Variants in KIAA1328 observed in about 807,000 individuals in gnomAD.
KIAA1328 encodes the protein KIAA1328.
Under a neutral mutation model 68.1 loss-of-function variants are expected in KIAA1328, and 52 were observed. The observed-to-expected ratio is 0.76, with a 90% confidence interval of 0.61 to 0.96. KIAA1328 has a LOEUF of 0.96. KIAA1328 is among the 40% of genes least tolerant of loss of function. The pLI, the probability that KIAA1328 is intolerant of heterozygous loss-of-function variation, is 0.00. For missense variants in KIAA1328, 641 were observed against 677.6 expected, an observed-to-expected ratio of 0.95 and a Z score of 0.60; for synonymous variants, 232 against 239.4, an observed-to-expected ratio of 0.97 and a Z score of 0.28.
intron 3 of KIAA1328, among the ~76,000 whole-genome samples, chr18:36,841,960 G>A (rs535433020): frequency 7.7e-4 from 115 of 149,702 alleles, no homozygotes; most frequent in Non-Finnish European, 2.1e-4. Context: ...CCAATGTTAC[G>A]TGAGATTTCT....
intron 7 of KIAA1328, among the ~76,000 whole-genome samples, chr18:37,087,657 A>T (rs776015830): frequency 1.3e-5 from 2 of 152,308 alleles, no homozygotes; most frequent in Non-Finnish European, 2.9e-5. Context: ...CACCATGATC[A>T]GGTAGGCACG....
intron 9 of KIAA1328, among the ~76,000 whole-genome samples, chr18:37,194,599 A>G (rs897615218): frequency 1.3e-5 from 2 of 152,064 alleles, no homozygotes; most frequent in Admixed American, 6.6e-5. Context: ...TTATAGATTT[A>G]TCTTTAATTA....
At chr18:36,940,249 C>T (rs922742573) in intron 5 of KIAA1328, among the ~76,000 whole-genome samples, 2 of 152,148 alleles carry the variant, frequency 1.3e-5, no homozygotes, top group African/African-American at 4.8e-5. Flanking sequence ...ATAAGGTACA[C>T]GTTAATCACC....
chr18:37,141,549 C>A (rs1348117438), intron 7 of KIAA1328, among the ~76,000 whole-genome samples: 2 of 152,190 alleles, frequency 1.3e-5, no homozygotes, highest in Non-Finnish European at 2.9e-5. Flanking sequence ...GACAACTGAG[C>A]TGCTGTGAAC....
chr18:37,183,460 C>T (rs2059735626), intron 9 of KIAA1328, among the ~76,000 whole-genome samples: 1 of 152,190 alleles, frequency 6.6e-6, no homozygotes, highest in Admixed American at 6.5e-5. Flanking sequence ...TCTAAAGACA[C>T]ATATTTGGAA....
intron 7 of KIAA1328, among the ~76,000 whole-genome samples, chr18:37,147,684 C>T (rs1355955733): frequency 1.3e-5 from 2 of 152,112 alleles, no homozygotes; most frequent in African/African-American, 4.8e-5. Context: ...TTATGATAAG[C>T]CTTCTTCTCG....
At chr18:36,964,240 A>G (rs1361814835) in intron 6 of KIAA1328, among the ~76,000 whole-genome samples, 1 of 152,214 alleles carries the variant, frequency 6.6e-6, no homozygotes, top group Non-Finnish European at 1.5e-5. Flanking sequence ...TAAACTCTAG[A>G]GCACAAATAT....
intron 5 of KIAA1328, among the ~76,000 whole-genome samples, chr18:36,901,291 T>A (rs1353882553): frequency 6.6e-6 from 1 of 152,072 alleles, no homozygotes; most frequent in Non-Finnish European, 1.5e-5. Flanking sequence ...TTAAAAAATG[T>A]GTATTGTAAA....
At chr18:36,980,757 C>CT (rs1348116293) in intron 6 of KIAA1328, among the ~76,000 whole-genome samples, 5 of 152,242 alleles carry the variant, frequency 3.3e-5, no homozygotes, top group African/African-American at 9.6e-5. Flanking sequence ...GGGGGCTGGT[C>CT]TTTCCCATGC....
chr18:37,222,987 C>T lies in KIAA1328; in HGVS notation c.*760C>T, dbSNP rs1048801516. The T allele has an allele frequency of 2.0e-6, 2 of 985,122 alleles. No individual in the cohort carries two copies. The highest frequency in any genetic ancestry group is 1.8e-5 in the African/African-American group (1 of 57,132). 61.0% of individuals were successfully genotyped at this position (985,122 alleles called of 1,614,324 possible). Reference sequence around the variant, plus strand: ...GTTTGGGTGACCACCCCTCCAATATCCCAGAATGAATAAGAACAATCCCTA... The same window carrying T: ...GTTTGGGTGACCACCCCTCCAATATTCCAGAATGAATAAGAACAATCCCTA... On this transcript the variant is annotated 3_prime_UTR_variant, in exon 10 of 10. Transcript: ENST00000280020.
At chr18:37,143,437 G>A (rs1432452220) in intron 7 of KIAA1328, among the ~76,000 whole-genome samples, 1 of 151,334 alleles carries the variant, frequency 6.6e-6, no homozygotes, top group East Asian at 1.9e-4. Flanking sequence ...AGATTCCTTA[G>A]GATATTGAAA....
intron 4 of KIAA1328, among the ~76,000 whole-genome samples, chr18:36,853,424 G>A (rs914909462): frequency 4.6e-5 from 7 of 151,882 alleles, no homozygotes; most frequent in Middle Eastern, 3.4e-3. Flanking sequence ...TTTTTCTAAT[G>A]TATCATTTTC....
In KIAA1328 at chr18:36,959,300, A is replaced by T. The variant is rs1462210279; in HGVS notation, c.449-8A>T. On this transcript the variant is annotated splice_polypyrimidine_tract_variant and splice_region_variant and intron_variant, in intron 5 of 9. Transcript: ENST00000280020. ...TTTCAGTTTTTTTCCCTTAATTTGC[A>T]ATCTCACCTCTTCAGCTACAGTATA... 4.5e-6 allele frequency: 7 copies of T among 1,563,524 alleles called. No homozygotes were observed. The Middle Eastern group carries it at 8.9e-4, about 198-fold the overall frequency.
At chr18:37,023,338 C>G (rs574474254) in intron 6 of KIAA1328, among the ~76,000 whole-genome samples, 3 of 152,300 alleles carry the variant, frequency 2.0e-5, no homozygotes, top group Admixed American at 6.5e-5. Flanking sequence ...CCTCAGCCCC[C>G]CAAGTAGCTG....
chr18:37,106,443 C>T (rs1358100608), intron 7 of KIAA1328, among the ~76,000 whole-genome samples: 1 of 146,018 alleles, frequency 6.8e-6, no homozygotes, highest in African/African-American at 2.5e-5. Flanking sequence ...TTTTTTGAGA[C>T]AGTCTCGCTC....
At chr18:37,172,335 A>C (rs2059516519) in intron 8 of KIAA1328, among the ~76,000 whole-genome samples, 1 of 152,228 alleles carries the variant, frequency 6.6e-6, no homozygotes, top group Admixed American at 6.5e-5. Flanking sequence ...ATTTCTGTCC[A>C]TACCATCTTT....
chr18:37,085,580 C>T (rs919873749), intron 7 of KIAA1328, among the ~76,000 whole-genome samples: 2 of 152,118 alleles, frequency 1.3e-5, no homozygotes, highest in Non-Finnish European at 2.9e-5. Flanking sequence ...ATCTTGCTGA[C>T]GTCCCTCTTC....
intron 6 of KIAA1328, among the ~76,000 whole-genome samples, chr18:37,010,282 A>G (rs1225887842): frequency 1.3e-5 from 2 of 151,718 alleles, no homozygotes; most frequent in Non-Finnish European, 1.5e-5. Context: ...ATCTCTACTA[A>G]AAATGCAAAG....
At chr18:37,080,275 G>C (rs2056905533) in intron 7 of KIAA1328, among the ~76,000 whole-genome samples, 1 of 152,276 alleles carries the variant, frequency 6.6e-6, no homozygotes. Context: ...TCCTTTACTT[G>C]AAAGTGGTTG....
Sources: allele counts gnomAD v4.1 joint callset (sites outside exome capture counted in the v4.1 genomes callset), GRCh38; gene constraint gnomAD v4.1.1; transcripts MANE v1.5; gene names NCBI Gene and HGNC (gene_info 2026-07-23, HGNC 2026-07-21).